The following SHOC2 variants were observed in gnomAD, a reference collection of about 807,000 sequenced individuals.
The protein encoded by SHOC2 is leucine-rich repeat protein SHOC-2.
In SHOC2, 4 loss-of-function variants were observed where a neutral mutation model predicts 50.2. The ratio of observed to expected loss-of-function variants is 0.08; its 90% confidence interval spans 0.04 to 0.18. SHOC2 has a LOEUF of 0.18. SHOC2 is among the 10% of genes least tolerant of loss of function. The pLI is 1.00. For missense variants in SHOC2, 388 were observed against 669.6 expected (o/e 0.58, Z 4.64); for synonymous variants, 218 against 244.5 (o/e 0.89, Z 1.01).
At chr10:110,981,876 T>TTTTTTATTATACTC (rs369735711) in intron 2 of SHOC2, among the ~76,000 whole-genome samples, 59 of 135,476 alleles carry the variant, frequency 4.4e-4, no homozygotes, top group Non-Finnish European at 5.4e-4. Context: ...ATTTATTTTT[T>TTTTTTATTATACTC]TAAGTTTTAG....
intron 3 of SHOC2, among the ~76,000 whole-genome samples, chr10:110,996,363 A>G (rs1281492901): frequency 6.6e-6 from 1 of 152,022 alleles, no homozygotes. Flanking sequence ...CTCTATCTCT[A>G]CAAAAATACA....
chr10:110,973,654 C>T (rs1847823785), intron 2 of SHOC2, among the ~76,000 whole-genome samples: 2 of 152,010 alleles, frequency 1.3e-5, no homozygotes, highest in Middle Eastern at 3.4e-3. Flanking sequence ...ATTTATCAGC[C>T]ATACAGTCTG....
At chr10:110,962,624 C>T (rs1270141617) in intron 1 of SHOC2, among the ~76,000 whole-genome samples, 1 of 152,122 alleles carries the variant, frequency 6.6e-6, no homozygotes, top group Non-Finnish European at 1.5e-5. Context: ...ACCCCAGTTC[C>T]TGTTATTTCT....
intron 2 of SHOC2, among the ~76,000 whole-genome samples, chr10:110,975,291 G>A (rs897448040): frequency 8.5e-5 from 13 of 152,048 alleles, no homozygotes; most frequent in African/African-American, 2.7e-4. Context: ...CAGTAGCTGG[G>A]ACTACAGGTG....
upstream of SHOC2, chr10:110,919,539 G>T (rs1439974259): frequency 2.6e-6 from 1 of 386,802 alleles, no homozygotes; most frequent in African/African-American, 2.2e-5. Context: ...GGGCGGGGCG[G>T]GGCGAGTGGG....
intron 1 of SHOC2, among the ~76,000 whole-genome samples, chr10:110,959,835 T>C (rs1035609013): frequency 6.6e-6 from 1 of 152,254 alleles, no homozygotes; most frequent in African/African-American, 2.4e-5. Flanking sequence ...CCTGACTGTT[T>C]ACAGTCATTC....
intron 1 of SHOC2, among the ~76,000 whole-genome samples, chr10:110,941,742 A>T (rs1352208837): frequency 1.3e-5 from 2 of 152,146 alleles, no homozygotes; most frequent in African/African-American, 4.8e-5. Context: ...TAACAGGATC[A>T]TTTGTGGGGC....
At chr10:110,992,926 A>G (rs1848210647) in intron 3 of SHOC2, among the ~76,000 whole-genome samples, 1 of 152,158 alleles carries the variant, frequency 6.6e-6, no homozygotes, top group African/African-American at 2.4e-5. Context: ...TGTTAAAATA[A>G]GATTATGATC....
chr10:110,926,038 T>A (rs1590773243), intron 1 of SHOC2, among the ~76,000 whole-genome samples: 1 of 152,342 alleles, frequency 6.6e-6, no homozygotes, highest in South Asian at 2.1e-4. Context: ...TACTACCTCA[T>A]GCACTCTTCA....
At chr10:110,936,772 G>C (rs762124151) in intron 1 of SHOC2, 2 of 1,013,940 alleles carry the variant, frequency 2.0e-6, no homozygotes, top group Non-Finnish European at 3.0e-6. Context: ...CCTCCAGGGT[G>C]GCTGTCACTG....
chr10:110,983,662 C>CAATA (rs1848025816), intron 2 of SHOC2, among the ~76,000 whole-genome samples: 1 of 152,136 alleles, frequency 6.6e-6, no homozygotes, highest in African/African-American at 2.4e-5. Context: ...ACCTGCTGAA[C>CAATA]AATAAGTCCT....
intron 2 of SHOC2, among the ~76,000 whole-genome samples, chr10:110,981,241 A>G (rs957119561): frequency 2.0e-5 from 3 of 152,220 alleles, no homozygotes; most frequent in Admixed American, 6.5e-5. Context: ...TACGAATTGT[A>G]AGTTTCATGA....
intron 1 of SHOC2, among the ~76,000 whole-genome samples, chr10:110,947,279 G>C (rs1847263500): frequency 6.6e-6 from 1 of 152,228 alleles, no homozygotes; most frequent in Non-Finnish European, 1.5e-5. Flanking sequence ...CCAGTCTCCA[G>C]ACCCATCCTT....
chr10:111,001,727 A>G (rs371811475), intron 4 of SHOC2, among the ~76,000 whole-genome samples: 1 of 152,214 alleles, frequency 6.6e-6, no homozygotes, highest in Non-Finnish European at 1.5e-5. Context: ...GTGTAATCAA[A>G]TTAAGAACAA....
intron 1 of SHOC2, among the ~76,000 whole-genome samples, chr10:110,923,915 TA>T (rs1446326905): frequency 9.2e-5 from 14 of 152,192 alleles, no homozygotes; most frequent in African/African-American, 3.4e-4. Context: ...CAAAGATAAA[TA>T]TTTTTTTCTT....
chr10:111,006,543 T>A (rs1428650329), intron 5 of SHOC2, among the ~76,000 whole-genome samples: 2 of 152,148 alleles, frequency 1.3e-5, no homozygotes, highest in African/African-American at 4.8e-5. Context: ...GCTAATTTTT[T>A]GTATTTTTAG....
intron 2 of SHOC2, among the ~76,000 whole-genome samples, chr10:110,970,534 CT>C (rs756407015): frequency 5.3e-5 from 8 of 151,890 alleles, no homozygotes; most frequent in Non-Finnish European, 1.0e-4. Flanking sequence ...ATTTCCTTTC[CT>C]TTGGATATAT....
chr10:110,998,491 A>G (rs1273010875), intron 3 of SHOC2, among the ~76,000 whole-genome samples: 2 of 152,116 alleles, frequency 1.3e-5, no homozygotes, highest in Non-Finnish European at 2.9e-5. Flanking sequence ...CTTTTTAAAG[A>G]CTAAATTAAC....
At chr10:110,997,106 T>G (rs1265029917) in intron 3 of SHOC2, among the ~76,000 whole-genome samples, 2 of 152,238 alleles carry the variant, frequency 1.3e-5, no homozygotes, top group East Asian at 3.8e-4. Context: ...AGATATTACA[T>G]TTTGAACTTT....
Sources: gnomAD v4.1 joint callset for allele counts (sites outside exome capture counted in the v4.1 genomes callset) on GRCh38, gnomAD v4.1.1 for gene constraint, MANE v1.5 for transcripts, NCBI Gene and HGNC (gene_info 2026-07-23, HGNC 2026-07-21) for gene names.